TENM4: variants seen among roughly 807,000 people sequenced by gnomAD.
The protein encoded by TENM4 is teneurin transmembrane protein 4.
A neutral mutation model predicts 243.3 loss-of-function variants in TENM4; 82 were observed. The observed-to-expected ratio is 0.34, with a 90% confidence interval of 0.28 to 0.40. TENM4 has a LOEUF of 0.40. Among genes scored for constraint, TENM4 ranks in the 10% least tolerant of loss-of-function variants. TENM4 has a pLI of 1.00. For missense variants in TENM4, 3,138 were observed against 3,673.3 expected, an observed-to-expected ratio of 0.85 and a Z score of 3.77; for synonymous variants, 1,412 against 1,456.3, an observed-to-expected ratio of 0.97 and a Z score of 0.69.
rs537465039 is a variant in TENM4 at position 78,715,756 on chromosome 11, G to A, written c.3822-3042C>T. 2.0e-3 allele frequency among the ~76,000 whole-genome samples: 298 copies of A among 152,338 alleles called. 3 individuals carry two copies. The highest frequency in any genetic ancestry group is 6.6e-3 in the South Asian group (32 of 4,828). On this transcript the variant is annotated intron_variant, in intron 25 of 33. Coordinates refer to ENST00000278550, the MANE Select transcript of TENM4 (RefSeq NM_001098816.3). The stretch of plus-strand genomic sequence containing the variant: ...GCTCGGCTAGGCTCACAGGCTTGTC[G>A]TTGGGATCAAATGAAATTATACATC...
intron 6 of TENM4, among the ~76,000 whole-genome samples, chr11:78,963,608 T>C (rs1314634255): frequency 3.3e-5 from 5 of 151,358 alleles, no homozygotes; most frequent in Non-Finnish European, 7.4e-5. Flanking sequence ...AAGGGGGAGG[T>C]GGCACAGAGA....
At chr11:79,167,366 G>C (rs1565232583) in intron 3 of TENM4, among the ~76,000 whole-genome samples, 1 of 152,118 alleles carries the variant, frequency 6.6e-6, no homozygotes, top group East Asian at 1.9e-4. Flanking sequence ...TGATAACAAG[G>C]ATGGCTAACA....
chr11:78,956,202 T>C (rs1332659333), intron 6 of TENM4, among the ~76,000 whole-genome samples: 1 of 152,132 alleles, frequency 6.6e-6, no homozygotes, highest in African/African-American at 2.4e-5. Flanking sequence ...TGCTCAGCCC[T>C]GGAGATAGTG....
chr11:78,733,907 G>A lies in TENM4; in HGVS notation c.2877-1330C>T, dbSNP rs561682163. Among the ~76,000 whole-genome samples, 4 of 152,276 alleles carry A rather than the reference G, an allele frequency of 2.6e-5. No homozygotes were observed. In the South Asian group the frequency reaches 8.3e-4, roughly 32 times the overall value. On this transcript the variant is annotated intron_variant, in intron 20 of 33. Transcript: ENST00000278550. Reference sequence around the variant, plus strand: ...TATCATGCAATAAGACATAAGACTAGGCCAGGCATGGTGGCTCACATCTGT... The same window carrying A: ...TATCATGCAATAAGACATAAGACTAAGCCAGGCATGGTGGCTCACATCTGT...
chr11:78,934,222 C>T (rs1365816138), intron 6 of TENM4, among the ~76,000 whole-genome samples: 2 of 152,136 alleles, frequency 1.3e-5, no homozygotes, highest in Admixed American at 6.5e-5. Context: ...TGTTTATTCA[C>T]GCATTCATTT....
At chr11:78,911,497 G>C (rs1371856758) in intron 6 of TENM4, among the ~76,000 whole-genome samples, 1 of 152,250 alleles carries the variant, frequency 6.6e-6, no homozygotes, top group Non-Finnish European at 1.5e-5. Context: ...TAGGAAGAGA[G>C]AGAGGCTGGA....
chr11:79,403,223 C>T (rs1253575479), intron 1 of TENM4, among the ~76,000 whole-genome samples: 1 of 152,196 alleles, frequency 6.6e-6, no homozygotes, highest in South Asian at 2.1e-4. Context: ...CAACGATTCT[C>T]CCATGCACAT....
intron 3 of TENM4, among the ~76,000 whole-genome samples, chr11:79,192,326 G>A (rs1863530539): frequency 6.6e-6 from 1 of 152,252 alleles, no homozygotes; most frequent in Non-Finnish European, 1.5e-5. Flanking sequence ...GAATACAAAA[G>A]GGGGCAAGGC....
chr11:79,177,044 T>C (rs1019713929), intron 3 of TENM4, among the ~76,000 whole-genome samples: 2 of 152,124 alleles, frequency 1.3e-5, no homozygotes, highest in Non-Finnish European at 2.9e-5. Flanking sequence ...AACTTCACAA[T>C]ATGCAGACAT....
chr11:78,684,517 C>G (rs781534748), intron 29 of TENM4, among the ~76,000 whole-genome samples: 1 of 151,852 alleles, frequency 6.6e-6, no homozygotes, highest in Non-Finnish European at 1.5e-5. Flanking sequence ...TCCCATTTCT[C>G]TCTCTCTCAC....
chr11:78,806,334 C>T (rs765634515), intron 14 of TENM4, among the ~76,000 whole-genome samples: 1 of 152,068 alleles, frequency 6.6e-6, no homozygotes, highest in African/African-American at 2.4e-5. Flanking sequence ...CAAAAAAATT[C>T]ACTTTCCTGA....
chr11:79,289,418 G>A (rs1354539881), intron 2 of TENM4, among the ~76,000 whole-genome samples: 1 of 152,248 alleles, frequency 6.6e-6, no homozygotes, highest in Non-Finnish European at 1.5e-5. Flanking sequence ...GGTATCAGTT[G>A]AGTCTCCAGG....
chr11:79,168,568 C>T (rs894941352), intron 3 of TENM4, among the ~76,000 whole-genome samples: 1 of 152,178 alleles, frequency 6.6e-6, no homozygotes, highest in African/African-American at 2.4e-5. Flanking sequence ...CATCATCACA[C>T]TCTGGCTCCT....
intron 3 of TENM4, among the ~76,000 whole-genome samples, chr11:79,163,262 C>T (rs142762901): frequency 1.8e-4 from 27 of 152,128 alleles, no homozygotes; most frequent in Admixed American, 1.2e-3. Flanking sequence ...AGTTGCTTCA[C>T]GTTTGTATGA....
At chr11:79,395,497 G>A (rs1590935300) in intron 1 of TENM4, among the ~76,000 whole-genome samples, 1 of 152,188 alleles carries the variant, frequency 6.6e-6, no homozygotes, top group Non-Finnish European at 1.5e-5. Context: ...GTGCTCTGAG[G>A]AAATGCAGCA....
chr11:78,883,358 G>C (rs1302452714), intron 9 of TENM4, among the ~76,000 whole-genome samples: 1 of 152,116 alleles, frequency 6.6e-6, no homozygotes, highest in Non-Finnish European at 1.5e-5. Flanking sequence ...GGATCAAATG[G>C]CTAAACAGCT....
At position 78,889,835 on chromosome 11, in the gene TENM4, C is replaced by T; in HGVS notation, c.1034G>A (p.Ser345Asn). 6.4e-7 allele frequency: 1 copy of T among 1,551,866 alleles called. No individual in the cohort carries two copies. The highest frequency in any genetic ancestry group is 1.2e-5 in the South Asian group (1 of 84,058). ...CAGAGTGGCTGAGATGACGATGGCG[C>T]TCAGGGCTGCGCACTTCCAGTTACA... Reference protein sequence around the residue: ...KYCNWKCAALSAIVISATLVI... With the variant: ...KYCNWKCAALNAIVISATLVI... Residue 345 changes from serine to asparagine, a missense_variant, in exon 9 of 34, where the codon AGC becomes AAC. Physicochemically the swap from Ser to Asn is conservative, Grantham distance 46. Around this residue, in one of 2 missense-constraint regions of TENM4, gnomAD observed 671 missense variants for 614.1 expected, o/e 1.09. Transcript: ENST00000278550.
chr11:78,778,706 G>A (rs1856785896), intron 16 of TENM4, 78 bp from the exon 17 acceptor site: 1 of 1,357,474 alleles, frequency 7.4e-7, no homozygotes, highest in Non-Finnish European at 1.0e-6. Context: ...CATGCCAGAT[G>A]CTACACAGAC....
intron 6 of TENM4, among the ~76,000 whole-genome samples, chr11:79,029,172 G>C (rs150044265): frequency 1.0e-3 from 155 of 152,242 alleles, no homozygotes; most frequent in African/African-American, 3.2e-3. Flanking sequence ...GTTTGAGAAG[G>C]CTGGCTGCCT....
Sources: gnomAD v4.1 joint callset for allele counts (sites outside exome capture counted in the v4.1 genomes callset) on GRCh38, gnomAD v4.1.1 for gene constraint, gnomAD v4.1.1 regional missense constraint, MANE v1.5 for transcripts, NCBI Gene and HGNC (gene_info 2026-07-23, HGNC 2026-07-21) for gene names.